The following LRFN5 variants were observed in gnomAD, a reference collection of about 807,000 sequenced individuals.
LRFN5 encodes the protein leucine rich repeat and fibronectin type III domain containing 5.
Under a neutral mutation model 45.6 loss-of-function variants are expected in LRFN5, and 24 were observed. The ratio of observed to expected loss-of-function variants is 0.53; its 90% CI spans 0.38 to 0.74. The LOEUF is 0.74. Ranked by LOEUF, LRFN5 falls within the 30% of genes least tolerant of loss-of-function variation. The probability of loss-of-function intolerance (pLI) is 0.00; values close to 1 mark genes in which losing one functional copy is unlikely to be tolerated. For synonymous variants in LRFN5, 340 were observed against 313.8 expected (o/e 1.08, Z -0.88); for missense variants, 776 against 861.5 (o/e 0.90, Z 1.24).
rs181044499 is a variant in LRFN5, at chr14:41,621,734, A to G, written c.-197+13172A>G. 2.0e-5 allele frequency among the ~76,000 whole-genome samples: 3 copies of G among 152,250 alleles called. No homozygotes were observed. The East Asian group carries it at 5.8e-4, about 29-fold the overall frequency. ...GCATCAAAGGAATTTTTTTGTTCAG[A>G]CAACCAATCGCAGGATTATTTTCAG... On this transcript the variant is annotated intron_variant, in intron 1 of 5. Transcript: ENST00000298119.
intron 1 of LRFN5, among the ~76,000 whole-genome samples, chr14:41,750,033 C>T (rs1188055109): frequency 2.6e-5 from 4 of 151,894 alleles, no homozygotes; most frequent in Non-Finnish European, 5.9e-5. Context: ...TATATTAAAA[C>T]ATATTTTCTG....
chr14:41,747,380 T>C (rs1884963830), intron 1 of LRFN5, among the ~76,000 whole-genome samples: 1 of 152,000 alleles, frequency 6.6e-6, no homozygotes, highest in Non-Finnish European at 1.5e-5. Flanking sequence ...AAACAAACCC[T>C]TGCATGTGTG....
At chr14:41,722,415 G>C (rs1324675948) in intron 1 of LRFN5, among the ~76,000 whole-genome samples, 1 of 152,010 alleles carries the variant, frequency 6.6e-6, no homozygotes, top group Admixed American at 6.6e-5. Flanking sequence ...TGATCCATTG[G>C]TTGTTTCACT....
chr14:41,791,309 T>C (rs1886911332), intron 2 of LRFN5, among the ~76,000 whole-genome samples: 2 of 152,024 alleles, frequency 1.3e-5, no homozygotes, highest in Non-Finnish European at 2.9e-5. Context: ...AAAGATCTGC[T>C]ATGTATCATT....
chr14:41,679,851 T>C (rs929363217), intron 1 of LRFN5, among the ~76,000 whole-genome samples: 9 of 152,150 alleles, frequency 5.9e-5, no homozygotes, highest in Non-Finnish European at 1.3e-4. Flanking sequence ...ATGGCATTTT[T>C]GGACCTTCCC....
chr14:41,671,617 G>GTTTTTTTTTTTTTGTTTGTTT (rs1881226324), intron 1 of LRFN5, among the ~76,000 whole-genome samples: 1 of 78,020 alleles, frequency 1.3e-5, no homozygotes, highest in African/African-American at 5.4e-5. Flanking sequence ...TTTTTTTTTC[G>GTTTTTTTTTTTTTGTTTGTTT]TTTTTTTTTT....
chr14:41,705,773 C>A (rs375045299), intron 1 of LRFN5, among the ~76,000 whole-genome samples: 1 of 152,112 alleles, frequency 6.6e-6, no homozygotes, highest in African/African-American at 2.4e-5. Flanking sequence ...AGTAAACGAT[C>A]TTTATATAGT....
rs144641466 is a variant in LRFN5 at position 41,843,288 on chromosome 14, C to G, written c.-20-43318C>G. 3.6e-3 allele frequency among the ~76,000 whole-genome samples: 554 copies of G among 151,914 alleles called. 5 individuals are homozygous for G. Among genetic ancestry groups the G allele is most frequent in the Non-Finnish European group, 5.4e-3 (368 of 67,946 alleles). Reference sequence around the variant, plus strand: ...TAAATTTGTTTTGTAGAGATGAGGTCTCACTATGTTTCCCATGGTGGTCGT... The same window carrying G: ...TAAATTTGTTTTGTAGAGATGAGGTGTCACTATGTTTCCCATGGTGGTCGT... On this transcript the variant is annotated intron_variant, in intron 2 of 5. Coordinates refer to ENST00000298119, the MANE Select transcript of LRFN5 (RefSeq NM_152447.5).
intron 1 of LRFN5, among the ~76,000 whole-genome samples, chr14:41,637,519 G>A (rs891464864): frequency 2.6e-5 from 4 of 151,896 alleles, no homozygotes. Context: ...TTCTAAATTT[G>A]CACACTTTAC....
intron 2 of LRFN5, among the ~76,000 whole-genome samples, chr14:41,775,930 A>C (rs1299425909): frequency 6.6e-6 from 1 of 152,248 alleles, no homozygotes. Context: ...AAGTGGTTCT[A>C]AATGTAACAG....
chr14:41,775,154 G>A (rs563500710), intron 2 of LRFN5, among the ~76,000 whole-genome samples: 4 of 139,056 alleles, frequency 2.9e-5, no homozygotes, highest in Admixed American at 7.8e-5. Context: ...GCAGTGGCGC[G>A]ATCTCGGCTC....
At chr14:41,883,186 G>A (rs1890448048) in intron 2 of LRFN5, among the ~76,000 whole-genome samples, 2 of 150,154 alleles carry the variant, frequency 1.3e-5, no homozygotes, top group South Asian at 2.1e-4. Context: ...GCCACCTCTG[G>A]AAGTTAGATT....
intron 2 of LRFN5, among the ~76,000 whole-genome samples, chr14:41,856,767 T>C (rs1454339314): frequency 1.4e-4 from 20 of 138,066 alleles, no homozygotes; most frequent in South Asian, 5.1e-4. Flanking sequence ...AGCTCCGCCT[T>C]CCGGGTTCAC....
At chr14:41,822,902 C>G (rs1038295823) in intron 2 of LRFN5, among the ~76,000 whole-genome samples, 1 of 120,114 alleles carries the variant, frequency 8.3e-6, no homozygotes, top group Non-Finnish European at 1.7e-5. Flanking sequence ...ATATAATTAT[C>G]TTCTGTGTCT....
intron 1 of LRFN5, among the ~76,000 whole-genome samples, chr14:41,683,113 A>G (rs1881973938): frequency 6.6e-6 from 1 of 152,202 alleles, no homozygotes; most frequent in African/African-American, 2.4e-5. Flanking sequence ...CATTAAAAAC[A>G]TTATTCAGTA....
At position 41,652,826 on chromosome 14, in the gene LRFN5, T is replaced by A. The variant is rs34141387; in HGVS notation, c.-197+44264T>A. ...TCTCCACAACATCACCAGCATCTGTTATTTTTTTTCCTTTTTAATAATAGC... is the reference window on the plus strand; with the variant it reads ...TCTCCACAACATCACCAGCATCTGTAATTTTTTTTCCTTTTTAATAATAGC... On this transcript the variant is annotated intron_variant, in intron 1 of 5. Transcript: ENST00000298119. Among the ~76,000 whole-genome samples the A allele has an allele frequency of 2.8e-3, 420 of 152,274 alleles. 1 individual carries two copies. The highest frequency in any genetic ancestry group is 7.5e-3 in the South Asian group (36 of 4,822).
chr14:41,693,527 T>C (rs1438607280), intron 1 of LRFN5, among the ~76,000 whole-genome samples: 2 of 152,050 alleles, frequency 1.3e-5, no homozygotes, highest in Non-Finnish European at 1.5e-5. Context: ...GTTTTGTATA[T>C]ATTTTATTAG....
At chr14:41,812,695 A>C (rs1887776278) in intron 2 of LRFN5, among the ~76,000 whole-genome samples, 1 of 152,090 alleles carries the variant, frequency 6.6e-6, no homozygotes, top group Admixed American at 6.6e-5. Context: ...TTGCTTGAAC[A>C]AAATGATTTT....
intron 1 of LRFN5, among the ~76,000 whole-genome samples, chr14:41,683,804 A>G (rs1453223266): frequency 2.0e-5 from 3 of 152,176 alleles, no homozygotes; most frequent in African/African-American, 7.2e-5. Flanking sequence ...AAGAAGATAT[A>G]CAAAAATAGA....
Sources: gnomAD v4.1 joint callset for allele counts (sites outside exome capture counted in the v4.1 genomes callset) on GRCh38, gnomAD v4.1.1 for gene constraint, MANE v1.5 for transcripts, NCBI Gene and HGNC (gene_info 2026-07-23, HGNC 2026-07-21) for gene names.